DST: variants seen among roughly 807,000 people sequenced by gnomAD.
DST encodes the protein bullous pemphigoid antigen.
In DST, 253 loss-of-function variants were observed where a neutral mutation model predicts 875.2. The ratio of observed to expected loss-of-function variants is 0.29; its 90% CI spans 0.26 to 0.32. The LOEUF (loss-of-function observed/expected upper bound fraction) is 0.32. DST is among the 10% of genes least tolerant of loss of function. DST has a pLI of 1.00. For synonymous variants in DST, 3,124 were observed against 3,197.1 expected (o/e 0.98, Z 0.77); for missense variants, 8,287 against 9,111.6 (o/e 0.91, Z 3.68).
At chr6:56,551,794 A>T (rs1366800599) in intron 61 of DST, among the ~76,000 whole-genome samples, 1 of 152,240 alleles carries the variant, frequency 6.6e-6, no homozygotes. Flanking sequence ...AAGAAAGGGC[A>T]GAAAAGACGG....
chr6:56,623,510 T>C (rs2098708279), intron 36 of DST, among the ~76,000 whole-genome samples: 1 of 152,170 alleles, frequency 6.6e-6, no homozygotes, highest in Non-Finnish European at 1.5e-5. Flanking sequence ...GTTAGTGATT[T>C]AGCTGCAGAA....
At chr6:56,706,313 C>CAA (rs201903761) in intron 5 of DST, among the ~76,000 whole-genome samples, 20 of 119,688 alleles carry the variant, frequency 1.7e-4, no homozygotes, top group African/African-American at 5.8e-4. Context: ...GACTCCGTCT[C>CAA]AAAAAAAAAA....
intron 4 of DST, among the ~76,000 whole-genome samples, chr6:56,778,768 T>G (rs891639232): frequency 1.3e-5 from 2 of 152,060 alleles, no homozygotes; most frequent in Non-Finnish European, 2.9e-5. Context: ...CACATTTTCT[T>G]AATCCAGTCT....
chr6:56,543,943 G>C (rs542581564), intron 61 of DST, among the ~76,000 whole-genome samples: 1 of 152,276 alleles, frequency 6.6e-6, no homozygotes, highest in East Asian at 1.9e-4. Flanking sequence ...ATTATTAGAT[G>C]CAACTCAGTA....
At chr6:56,462,323 T>C (rs1208348260) in intron 102 of DST, among the ~76,000 whole-genome samples, 1 of 152,222 alleles carries the variant, frequency 6.6e-6, no homozygotes, top group Non-Finnish European at 1.5e-5. Flanking sequence ...GAGTTCATCT[T>C]GGCAAATTTT....
At chr6:56,476,447 C>A (rs2095192005) in intron 91 of DST, 110 bp from the exon 92 acceptor site, 13 of 954,658 alleles carry the variant, frequency 1.4e-5, no homozygotes, top group Non-Finnish European at 1.6e-5. Flanking sequence ...CTGAGCTAGA[C>A]CCATAATGCT....
intron 77 of DST, among the ~76,000 whole-genome samples, chr6:56,505,058 AG>A (rs200014149): frequency 0.016 from 2,480 of 152,238 alleles, 20 homozygotes; most frequent in Non-Finnish European, 0.021. Flanking sequence ...TGGATTTTTA[AG>A]TTATCATTAG....
At chr6:56,949,262 T>C (rs1460123571) in intron 2 of DST, among the ~76,000 whole-genome samples, 2 of 152,322 alleles carry the variant, frequency 1.3e-5, no homozygotes, top group Middle Eastern at 3.4e-3. Context: ...TTGTTTTTGT[T>C]GTTTTGTTTT....
chr6:56,641,909 C>CA lies in DST; in HGVS notation c.2027+37dup, dbSNP rs1457279043. On this transcript the variant is annotated intron_variant, in intron 17 of 103. Coordinates refer to ENST00000680361, the MANE Select transcript of DST (RefSeq NM_001374736.1). ...TTCAAATGCCCATGAAACAGTTACA[C>CA]AAAAAAAGGACAGAGAAAGAATAAG... is the stretch of plus-strand genomic sequence containing the variant. 8 of 1,534,416 alleles carry CA rather than the reference C, an allele frequency of 5.2e-6. No individual in the cohort carries two copies. In the South Asian group the frequency reaches 6.2e-5, roughly 12 times the overall value.
chr6:56,470,986 C>T (rs1017684007), intron 95 of DST, 120 bp downstream of exon 95: 21 of 1,116,014 alleles, frequency 1.9e-5, no homozygotes, highest in Non-Finnish European at 2.3e-5. Context: ...GTCGTGACTT[C>T]CTAGGCAACT....
chr6:56,529,640 C>A lies in DST; in HGVS notation c.17403G>T (p.Trp5801Cys), dbSNP rs891354194. 2.5e-6 allele frequency: 4 copies of A among 1,613,612 alleles called. No homozygotes were observed. The highest frequency in any genetic ancestry group is 1.3e-5 in the African/African-American group (1 of 74,872). Residue 5801 changes from tryptophan (W) to cysteine (C), a missense_variant, in exon 66 of 104, where the codon TGG (tryptophan) becomes TGT (cysteine). Physicochemically the swap from Trp to Cys is radical, Grantham distance 215 (BLOSUM62 -2). This residue lies in a region of DST where 777 missense variants were observed against 764.8 expected (regional missense o/e 1.02). Coordinates refer to ENST00000680361, the MANE Select transcript of DST (RefSeq NM_001374736.1). ...GACTTTTCTCTTGAATCTCAATGTA[C>A]CATACTTGAGAGAAGTCTAATTTAC... ...VQSKLDFSQV[W>C]YIEIQEKSHS...
chr6:56,793,256 A>G (rs2099734474), intron 4 of DST, among the ~76,000 whole-genome samples: 1 of 152,030 alleles, frequency 6.6e-6, no homozygotes, highest in Non-Finnish European at 1.5e-5. Context: ...TTAGAGTTGA[A>G]AATGGTATTA....
At position 56,896,048 on chromosome 6, in the gene DST, GGAGAGGGAGAGGGA is replaced by G. The variant is rs1358606228; in HGVS notation, c.417+4359_417+4372del. ...GAGACGGGAGAGGGAGAGGGAGACG[GGAGAGGGAGAGGGA>G]GACGGGAGAGGGAGAGGGAGACGGG... On this transcript the variant is annotated intron_variant, in intron 3 of 103. Transcript: ENST00000680361. 1.1e-4 allele frequency among the ~76,000 whole-genome samples: 4 copies of G among 38,066 alleles called. 2 individuals are homozygous for G. The highest frequency in any genetic ancestry group is 2.0e-4 in the Non-Finnish European group (4 of 20,430). 25.0% of individuals were successfully genotyped at this position (38,066 alleles called of 152,430 possible).
intron 2 of DST, among the ~76,000 whole-genome samples, chr6:56,940,012 C>T (rs1201181909): frequency 6.6e-6 from 1 of 150,844 alleles, no homozygotes; most frequent in African/African-American, 2.4e-5. Flanking sequence ...CGTGACAGAG[C>T]AAGACTCCGT....
chr6:56,458,929 T>C lies in DST; in HGVS notation c.*76A>G, dbSNP rs1295142541. 7.1e-6 allele frequency: 10 copies of C among 1,406,880 alleles called. No homozygotes were observed. The Admixed American group carries it at 1.5e-4, about 21-fold the overall frequency. The allele number at this position is 1,406,880 out of a possible 1,614,324, so 87.1% of individuals were successfully genotyped here. On this transcript the variant is annotated 3_prime_UTR_variant, in exon 104 of 104. Coordinates refer to ENST00000680361, the MANE Select transcript of DST (RefSeq NM_001374736.1). ...CGCCTCTTGCAATATTTCACAAGAA[T>C]TTCTACACCATATTTTACATCGTTC...
At chr6:56,828,983 G>C (rs2099783964) in intron 4 of DST, among the ~76,000 whole-genome samples, 1 of 152,158 alleles carries the variant, frequency 6.6e-6, no homozygotes, top group African/African-American at 2.4e-5. Flanking sequence ...ACAGTCCCTA[G>C]TCTTGAAGCT....
chr6:56,478,804 T>C (rs1039023440), intron 90 of DST, among the ~76,000 whole-genome samples: 13 of 152,292 alleles, frequency 8.5e-5, no homozygotes, highest in Non-Finnish European at 1.2e-4. Flanking sequence ...CTTTGAAATA[T>C]AGGTGTTTTA....
At chr6:56,920,895 ATTTTTTT>A (rs35394550) in intron 2 of DST, among the ~76,000 whole-genome samples, 1,473 of 59,688 alleles carry the variant, frequency 0.025, 44 homozygotes, top group African/African-American at 0.082. Flanking sequence ...CGCCCAGCTA[ATTTTTTT>A]TTTTTTTTTT....
intron 55 of DST, among the ~76,000 whole-genome samples, chr6:56,563,063 C>T (rs924758869): frequency 2.0e-5 from 3 of 151,866 alleles, no homozygotes; most frequent in African/African-American, 7.3e-5. Flanking sequence ...GTGTGTGTGT[C>T]TTTATTAGAA....
Sources: gnomAD v4.1 joint callset for allele counts (sites outside exome capture counted in the v4.1 genomes callset) on GRCh38, gnomAD v4.1.1 for gene constraint, gnomAD v4.1.1 regional missense constraint, MANE v1.5 for transcripts, NCBI Gene and HGNC (gene_info 2026-07-23, HGNC 2026-07-21) for gene names.